The following LINGO2 variants were observed in gnomAD, a reference collection of about 807,000 sequenced individuals.
LINGO2 encodes the protein leucine-rich repeat and immunoglobulin-like domain-containing nogo receptor-interacting protein 2.
LINGO2 carries 14 observed loss-of-function variants against 30.6 expected under a neutral mutation model. That is an observed-to-expected ratio of 0.46 (90% confidence interval 0.30 to 0.72). LINGO2 has a LOEUF of 0.72. Among genes scored for constraint, LINGO2 ranks in the 30% least tolerant of loss-of-function variants. LINGO2 has a pLI of 0.07. For synonymous variants in LINGO2, 317 were observed against 288.5 expected, an observed-to-expected ratio of 1.10 and a Z score of -1.00; for missense variants, 729 against 751.7, an observed-to-expected ratio of 0.97 and a Z score of 0.35.
the LINGO2 span, among the ~76,000 whole-genome samples, chr9:29,133,059 C>G: frequency 6.6e-6 from 1 of 152,036 alleles, no homozygotes; most frequent in Non-Finnish European, 1.5e-5. Context: ...ATGTCAGTAG[C>G]CTCCTACCTG....
At chr9:28,946,910 G>C in the LINGO2 span, among the ~76,000 whole-genome samples, 1 of 151,924 alleles carries the variant, frequency 6.6e-6, no homozygotes, top group Non-Finnish European at 1.5e-5. Context: ...ATGATCACCA[G>C]GATAGACTTG....
chr9:28,555,962 C>G (rs911289957), intron 1 of LINGO2, among the ~76,000 whole-genome samples: 1 of 152,072 alleles, frequency 6.6e-6, no homozygotes, highest in African/African-American at 2.4e-5. Context: ...ATGCTAAAAA[C>G]TCTCAATAAA....
intron 1 of LINGO2, among the ~76,000 whole-genome samples, chr9:28,627,090 CAATT>C (rs1826716861): frequency 6.6e-6 from 1 of 151,734 alleles, no homozygotes; most frequent in Non-Finnish European, 1.5e-5. Flanking sequence ...TTCTGATAGG[CAATT>C]AATAAATTTT....
the LINGO2 span, among the ~76,000 whole-genome samples, chr9:29,080,574 G>A: frequency 1.3e-5 from 2 of 151,974 alleles, no homozygotes; most frequent in East Asian, 3.9e-4. Flanking sequence ...TTCTCTTGTG[G>A]GCATTTAGTG....
At chr9:28,391,297 A>G (rs779193182) in intron 2 of LINGO2, among the ~76,000 whole-genome samples, 12 of 152,150 alleles carry the variant, frequency 7.9e-5, no homozygotes, top group Non-Finnish European at 1.3e-4. Flanking sequence ...CCCAGTTTTA[A>G]CTTATTAGAA....
chr9:28,355,336 T>TCC (rs1397929929), intron 3 of LINGO2, among the ~76,000 whole-genome samples: 1 of 134,262 alleles, frequency 7.4e-6, no homozygotes, highest in Non-Finnish European at 1.5e-5. Flanking sequence ...TGTCTCTGTC[T>TCC]CTCTCTCTCT....
chr9:29,142,331 A>T, the LINGO2 span, among the ~76,000 whole-genome samples: 6 of 152,050 alleles, frequency 3.9e-5, no homozygotes, highest in Non-Finnish European at 8.8e-5. Context: ...AACAGCAACT[A>T]AACTTAAAAA....
At chr9:28,790,316 CT>C in the LINGO2 span, among the ~76,000 whole-genome samples, 2 of 131,018 alleles carry the variant, frequency 1.5e-5, no homozygotes, top group African/African-American at 6.2e-5. Flanking sequence ...CCCATCTTTT[CT>C]TTTCTTTCTT....
chr9:29,016,936 T>C, the LINGO2 span, among the ~76,000 whole-genome samples: 8 of 152,130 alleles, frequency 5.3e-5, no homozygotes, highest in Non-Finnish European at 1.2e-4. Context: ...GACCTGAATC[T>C]CACAGGCATG....
the LINGO2 span, among the ~76,000 whole-genome samples, chr9:28,987,189 T>C: frequency 6.6e-6 from 1 of 151,508 alleles, no homozygotes; most frequent in East Asian, 1.9e-4. Context: ...TTTTCTGTGA[T>C]GGGAGACTTT....
the LINGO2 span, among the ~76,000 whole-genome samples, chr9:28,786,790 G>C: frequency 2.7e-4 from 41 of 152,042 alleles, no homozygotes; most frequent in Non-Finnish European, 5.3e-4. Context: ...AATAACAGAG[G>C]GAAGTATGGG....
intron 4 of LINGO2, among the ~76,000 whole-genome samples, chr9:28,167,139 AC>A (rs35331376): frequency 0.56 from 58,593 of 105,154 alleles, 12,806 homozygotes; most frequent in East Asian, 0.72. Flanking sequence ...TTAATATAGC[AC>A]CCCCCCCCCC....
At chr9:29,116,967 A>G in the LINGO2 span, among the ~76,000 whole-genome samples, 1 of 152,186 alleles carries the variant, frequency 6.6e-6, no homozygotes, top group East Asian at 1.9e-4. Flanking sequence ...ATGATATATT[A>G]GAAAGGACAT....
At chr9:28,266,021 C>T (rs943874192) in intron 4 of LINGO2, among the ~76,000 whole-genome samples, 2 of 151,874 alleles carry the variant, frequency 1.3e-5, no homozygotes, top group East Asian at 1.9e-4. Context: ...TTTTTCATCA[C>T]GGAATGATTT....
chr9:28,624,891 A>C (rs1157635507), intron 1 of LINGO2, among the ~76,000 whole-genome samples: 1 of 150,788 alleles, frequency 6.6e-6, no homozygotes, highest in Non-Finnish European at 1.5e-5. Context: ...TCCTCTCCTC[A>C]AGCAGAAGGA....
At chr9:28,492,875 G>A (rs1296006287) in intron 1 of LINGO2, among the ~76,000 whole-genome samples, 1 of 152,112 alleles carries the variant, frequency 6.6e-6, no homozygotes, top group Non-Finnish European at 1.5e-5. Context: ...GGGAGCGGGC[G>A]GGTGGACTAC....
the LINGO2 span, among the ~76,000 whole-genome samples, chr9:28,803,197 A>C: frequency 6.6e-6 from 1 of 152,018 alleles, no homozygotes; most frequent in Non-Finnish European, 1.5e-5. Context: ...ATTTCACTTA[A>C]CTTCTAAATC....
chr9:29,098,474 C>T, the LINGO2 span, among the ~76,000 whole-genome samples: 2 of 151,488 alleles, frequency 1.3e-5, no homozygotes, highest in East Asian at 1.9e-4. Context: ...CATATGCGCA[C>T]ACACACACAC....
At chr9:28,617,577 G>A (rs1045556814) in intron 1 of LINGO2, among the ~76,000 whole-genome samples, 1 of 152,052 alleles carries the variant, frequency 6.6e-6, no homozygotes, top group Non-Finnish European at 1.5e-5. Context: ...TTACAGGCGT[G>A]AGCCACCGCG....
Sources: allele counts gnomAD v4.1 joint callset (sites outside exome capture counted in the v4.1 genomes callset), GRCh38; gene constraint gnomAD v4.1.1; transcripts MANE v1.5; gene names NCBI Gene and HGNC (gene_info 2026-07-23, HGNC 2026-07-21).